The following RGL3 variants were observed in gnomAD, a reference collection of about 807,000 sequenced individuals.
RGL3 encodes the protein ral guanine nucleotide dissociation stimulator like 3.
A neutral mutation model predicts 90.6 loss-of-function variants in RGL3; 85 were observed. The observed-to-expected ratio is 0.94, with a 90% CI of 0.79 to 1.12. The LOEUF is 1.12. Ranked by LOEUF, RGL3 falls within the 50% of genes most tolerant of loss-of-function variation. The pLI is 0.00. For missense variants in RGL3, 1,034 were observed against 939.2 expected, an observed-to-expected ratio of 1.10 and a Z score of -1.32; for synonymous variants, 408 against 385.5, an observed-to-expected ratio of 1.06 and a Z score of -0.68.
At chr19:11,418,251 GC>G (rs60588942) in intron 2 of RGL3, among the ~76,000 whole-genome samples, 2 of 23,894 alleles carry the variant, frequency 8.4e-5, no homozygotes, top group Non-Finnish European at 9.1e-5. Context: ...CCACCCCCCC[GC>G]CCCCGCCCCA....
At chr19:11,405,084 G>T in intron 9 of RGL3, 63 bp downstream of exon 9, 1 of 1,335,196 alleles carries the variant, frequency 7.5e-7, no homozygotes, top group Non-Finnish European at 1.1e-6. Context: ...ACCCCTGCCT[G>T]GCCCCAAGTC....
intron 9 of RGL3, among the ~76,000 whole-genome samples, chr19:11,403,317 G>A (rs1019000528): frequency 2.0e-5 from 3 of 146,976 alleles, no homozygotes; most frequent in African/African-American, 7.4e-5. Context: ...TTACAGGCGT[G>A]AGCCACCGTG....
chr19:11,416,042 C>T lies in RGL3; in HGVS notation c.532G>A (p.Ala178Thr), dbSNP rs1029353393. ...LGSVRTFLGW[A>T]APGSAEAQKA... is the part of the protein sequence containing the mutation. ...TGAGCCTCAGCACTCCCTGGGGCCG[C>T]CCAGCCCAGAAAGGTTCGGACACTG... Residue 178 changes from alanine (A) to threonine (T), a missense_variant, in exon 5 of 19, where the codon GCG becomes ACG. Physicochemically the swap from Ala to Thr is moderately conservative, Grantham distance 58 (BLOSUM62 0). Coordinates refer to ENST00000380456, the MANE Select transcript of RGL3 (RefSeq NM_001035223.4). The T allele has an allele frequency of 1.9e-6, 3 of 1,613,814 alleles. No individual in the cohort carries two copies. The highest frequency in any genetic ancestry group is 2.5e-6 in the Non-Finnish European group (3 of 1,179,998).
intron 16 of RGL3, chr19:11,397,829 T>C (rs112178079): frequency 0.042 from 14,142 of 333,282 alleles, 1,066 homozygotes; most frequent in African/African-American, 0.2. Context: ...GCCAACGTGG[T>C]GAAACTCCGT....
Position 11,405,310 on chromosome 19 carries a change from C to G in RGL3, c.1100+13G>C. ...CTGGGATGGGCTGGGGAACAGGTCC[C>G]GCCCCAGCTCACCGGCTCACTGCCC... On this transcript the variant is annotated intron_variant, in intron 8 of 18. Transcript: ENST00000380456. 6.2e-7 allele frequency: 1 copy of G among 1,612,390 alleles called. No homozygotes were observed. Among genetic ancestry groups the G allele is most frequent in the Non-Finnish European group, 8.5e-7 (1 of 1,178,724 alleles).
intron 9 of RGL3, 130 bp downstream of exon 9, chr19:11,405,016 TA>T: frequency 1.3e-6 from 1 of 776,514 alleles, no homozygotes; most frequent in Non-Finnish European, 2.2e-6. Context: ...GGGACAAGGA[TA>T]AGGTCATTGC....
At chr19:11,405,011 A>G in intron 9 of RGL3, 136 bp downstream of exon 9, 1 of 743,072 alleles carries the variant, frequency 1.3e-6, no homozygotes, top group South Asian at 1.6e-5. Flanking sequence ...CGCCAGGGAC[A>G]AGGATAAGGT....
chr19:11,402,127 C>G lies in RGL3; in HGVS notation c.1368G>C (p.Trp456Cys), dbSNP rs1968687744. The change falls in exon 13 of 19, where the codon TGG (tryptophan) becomes TGC (cysteine). Residue 456 changes from tryptophan to cysteine, a missense_variant. By Grantham distance (215) the Trp-to-Cys change is radical. Transcript: ENST00000380456. The stretch of plus-strand genomic sequence containing the variant: ...GCTGCTGGATGCGGGCCAGGATCTC[C>G]CACTCCTGGAGGACGAGCCTCTAAG... ...LINFEKRRKE[W>C]EILARIQQLQ... The G allele has an allele frequency of 6.2e-7, 1 of 1,609,190 alleles. No homozygotes were observed. The highest frequency in any genetic ancestry group is 8.5e-7 in the Non-Finnish European group (1 of 1,177,776).
Position 11,394,440 on chromosome 19 carries a change from C to T in RGL3, c.2095G>A (p.Glu699Lys), listed in dbSNP as rs113801365. 6.2e-7 allele frequency: 1 copy of T among 1,614,020 alleles called. No individual in the cohort carries two copies. The highest frequency in any genetic ancestry group is 1.7e-5 in the Admixed American group (1 of 59,982). The change falls in exon 19 of 19, where the codon GAG becomes AAG. Residue 699 changes from glutamate to lysine, a missense_variant. Physicochemically the swap from Glu to Lys is moderately conservative, Grantham distance 56. Coordinates refer to ENST00000380456, the MANE Select transcript of RGL3 (RefSeq NM_001035223.4). Reference protein sequence around the residue: ...APRDFMLRRKEGTRNTLSVSP... With the variant: ...APRDFMLRRKKGTRNTLSVSP... Reference sequence around the variant, plus strand: ...ACAGACAGAGTGTTCCGGGTCCCCTCTTTCCGCCGCAGCATGAAGTCTCTG... The same window carrying T: ...ACAGACAGAGTGTTCCGGGTCCCCTTTTTCCGCCGCAGCATGAAGTCTCTG...
In RGL3 at chr19:11,397,267, AAG is replaced by A; in HGVS notation, c.1989_1990del (p.Phe664SerfsTer13). The A allele has an allele frequency of 6.2e-7, 1 of 1,614,000 alleles. No individual in the cohort carries two copies. Among genetic ancestry groups the A allele is most frequent in the South Asian group, 1.1e-5 (1 of 91,060 alleles). ...ACCCCGGTCCCCAGGAAGGACTTGA[AAG>A]AGCTGATAGTCACAGGCCCAGGGCT... On this transcript the variant is annotated frameshift_variant, in exon 18 of 19. Coordinates refer to ENST00000380456, the MANE Select transcript of RGL3 (RefSeq NM_001035223.4). LOFTEE classifies it low-confidence loss of function (END_TRUNC).
At chr19:11,414,181 C>CTTTA (rs1336844171) in intron 5 of RGL3, among the ~76,000 whole-genome samples, 1 of 28,190 alleles carries the variant, frequency 3.5e-5, no homozygotes, top group African/African-American at 1.4e-4. Flanking sequence ...ATATATACAC[C>CTTTA]TATATATATA....
intron 5 of RGL3, chr19:11,411,208 CAAAAAAAAAAAAA>C (rs1031094432): frequency 2.1e-5 from 1 of 46,974 alleles, no homozygotes; most frequent in Non-Finnish European, 4.2e-5. Flanking sequence ...GACTCCATCT[CAAAAAAAAAAAAA>C]AAAAAAAAAA....
chr19:11,400,161 T>A (rs777387748), intron 14 of RGL3, 41 bp downstream of exon 14: 2 of 1,568,932 alleles, frequency 1.3e-6, no homozygotes, highest in South Asian at 1.2e-5. Flanking sequence ...CTTGCTGATA[T>A]CTGCCCACAT....
intron 5 of RGL3, among the ~76,000 whole-genome samples, chr19:11,412,417 G>A (rs776293834): frequency 1.3e-5 from 2 of 152,098 alleles, no homozygotes; most frequent in Admixed American, 6.6e-5. Context: ...CATCGTTGAT[G>A]ATAGGTGATG....
intron 9 of RGL3, among the ~76,000 whole-genome samples, chr19:11,403,841 G>A (rs569232884): frequency 1.3e-5 from 2 of 152,096 alleles, no homozygotes; most frequent in Admixed American, 1.3e-4. Context: ...GCCTGCCAGG[G>A]ATCTCCTGGG....
At position 11,394,556 on chromosome 19, in the gene RGL3, A is replaced by T; in HGVS notation, c.2015-36T>A. The T allele has an allele frequency of 2.0e-6, 3 of 1,519,538 alleles. No individual in the cohort carries two copies. The South Asian group carries it at 3.4e-5, about 17-fold the overall frequency. 94.1% of individuals were successfully genotyped at this position (1,519,538 alleles called of 1,614,324 possible). On this transcript the variant is annotated intron_variant, in intron 18 of 18. Transcript: ENST00000380456. The stretch of plus-strand genomic sequence containing the variant: ...GTGGAGATGGTGGTAATAGGCCCTC[A>T]CAACCTTGTGTCACCCCCACAGAGG...
chr19:11,399,790 C>G, intron 16 of RGL3, 65 bp downstream of exon 16: 1 of 896,420 alleles, frequency 1.1e-6, no homozygotes, highest in Non-Finnish European at 1.7e-6. Flanking sequence ...CATGCACACA[C>G]ACGTGCACAC....
chr19:11,410,838 A>T (rs1235080091), intron 5 of RGL3, among the ~76,000 whole-genome samples: 1 of 152,120 alleles, frequency 6.6e-6, no homozygotes, highest in African/African-American at 2.4e-5. Context: ...CTCAGGAAAA[A>T]TGACCCATTT....
In RGL3 at chr19:11,416,825, T is replaced by C. The variant is rs1406383807; in HGVS notation, c.371+11A>G. On this transcript the variant is annotated intron_variant, in intron 3 of 18. Transcript: ENST00000380456. ...GGGTGGAGAATACGGAGGTTATGGTTCGCTACTGACCCGGGAGGTGGGGGC... is the reference window on the plus strand; with the variant it reads ...GGGTGGAGAATACGGAGGTTATGGTCCGCTACTGACCCGGGAGGTGGGGGC... 7.4e-6 allele frequency: 12 copies of C among 1,612,792 alleles called. 1 individual carries two copies. The highest frequency in any genetic ancestry group is 1.3e-5 in the African/African-American group (1 of 74,858).
Sources: gnomAD v4.1 joint callset for allele counts (sites outside exome capture counted in the v4.1 genomes callset) on GRCh38, gnomAD v4.1.1 for gene constraint, MANE v1.5 for transcripts, NCBI Gene and HGNC (gene_info 2026-07-23, HGNC 2026-07-21) for gene names.